PVR: variants seen among roughly 807,000 people sequenced by gnomAD.
The protein encoded by PVR is PVR cell adhesion molecule, also known as poliovirus receptor.
A neutral mutation model predicts 43.3 loss-of-function variants in PVR; 39 were observed. The observed-to-expected ratio is 0.90, with a 90% CI of 0.70 to 1.18. PVR has a LOEUF of 1.18. Among genes scored for constraint, PVR ranks in the 50% most tolerant of loss-of-function variants. The probability of loss-of-function intolerance (pLI) is 0.00; values close to 1 mark genes in which losing one functional copy is unlikely to be tolerated. For synonymous variants in PVR, 224 were observed against 233.2 expected, an observed-to-expected ratio of 0.96 and a Z score of 0.36; for missense variants, 480 against 549.7, an observed-to-expected ratio of 0.87 and a Z score of 1.27.
chr19:44,652,509 G>T (rs1341001211), intron 3 of PVR, among the ~76,000 whole-genome samples: 1 of 151,772 alleles, frequency 6.6e-6, no homozygotes, highest in African/African-American at 2.4e-5. Flanking sequence ...TCAGCCTCCC[G>T]AGTAGCTGGG....
At chr19:44,649,764 G>A (rs772415503) in intron 2 of PVR, 45 bp from the exon 3 acceptor site, 13 of 1,596,222 alleles carry the variant, frequency 8.1e-6, no homozygotes, top group East Asian at 4.5e-5. Flanking sequence ...CTTCTGCCAC[G>A]GAGGGGTTCA....
rs1255385112 is a variant in PVR, at chr19:44,645,415, G to GTGTATATA, written c.79+1241_79+1242insGTATATAT. 3.2e-3 allele frequency among the ~76,000 whole-genome samples: 270 copies of GTGTATATA among 83,812 alleles called. 7 individuals are homozygous for GTGTATATA. The highest frequency in any genetic ancestry group is 0.015 in the African/African-American group (260 of 17,632). 55.0% of individuals were successfully genotyped at this position (83,812 alleles called of 152,430 possible). On this transcript the variant is annotated intron_variant, in intron 1 of 7. Transcript: ENST00000425690. ...TTTATTATTTATTTATATGTTTTGT[G>GTGTATATA]TATATATATATATATATATATATAT...
rs1973650738 is a variant in PVR, at chr19:44,664,063, A to G, written c.*2252A>G. 6.6e-6 allele frequency: 1 copy of G among 152,186 alleles called. No individual in the cohort carries two copies. Among genetic ancestry groups the G allele is most frequent in the African/African-American group, 2.4e-5 (1 of 41,438 alleles). 9.4% of individuals were successfully genotyped at this position (152,186 alleles called of 1,614,324 possible). On this transcript the variant is annotated 3_prime_UTR_variant, in exon 8 of 8. Coordinates refer to ENST00000425690, the MANE Select transcript of PVR (RefSeq NM_006505.5). ...ATATCCAGTTTTACACAACACTGTG[A>G]ATGTAATGAATGCCACTGAATCATA... is the stretch of plus-strand genomic sequence containing the variant.
intron 4 of PVR, among the ~76,000 whole-genome samples, chr19:44,657,443 C>T (rs183916720): frequency 1.2e-3 from 182 of 152,198 alleles, no homozygotes; most frequent in African/African-American, 4.1e-3. Context: ...GGGGAACAGA[C>T]GAGGGGGCGA....
At chr19:44,644,808 C>T (rs567106634) in intron 1 of PVR, among the ~76,000 whole-genome samples, 2 of 149,364 alleles carry the variant, frequency 1.3e-5, no homozygotes, top group Admixed American at 6.7e-5. Context: ...CTCCTCCTCC[C>T]GAGTTCAAGC....
chr19:44,665,656 A>AC lies in PVR; in HGVS notation c.*3845_*3846insC, dbSNP rs1973697592. 1 of 160,322 alleles carries AC rather than the reference A, an allele frequency of 6.2e-6. No individual in the cohort carries two copies. The highest frequency in any genetic ancestry group is 2.4e-5 in the African/African-American group (1 of 41,310). The allele number at this position is 160,322 out of a possible 1,614,324, so 9.9% of individuals were successfully genotyped here. ...TCTCCAAAAAAAAAAAAAAAAAAAA[A>AC]AAAACTGGATTGCCTGGCTCTACTC... On this transcript the variant is annotated 3_prime_UTR_variant, in exon 8 of 8. Transcript: ENST00000425690.
intron 1 of PVR, among the ~76,000 whole-genome samples, chr19:44,646,188 C>T (rs1302762933): frequency 6.6e-6 from 1 of 152,098 alleles, no homozygotes; most frequent in East Asian, 1.9e-4. Context: ...ATTTTACAAA[C>T]TAGGAAAAAG....
intron 1 of PVR, 21 bp downstream of exon 1, chr19:44,644,196 C>G: frequency 1.4e-6 from 2 of 1,472,808 alleles, no homozygotes; most frequent in Non-Finnish European, 1.8e-6. Context: ...CCCGCGCAGT[C>G]CGGTGGCCCC....
chr19:44,651,582 T>C (rs1410024756), intron 3 of PVR, among the ~76,000 whole-genome samples: 3 of 152,000 alleles, frequency 2.0e-5, no homozygotes, highest in African/African-American at 4.8e-5. Context: ...CTCTGCCCAA[T>C]ATTGTCTACA....
At position 44,644,053 on chromosome 19, in the gene PVR, C is replaced by A; in HGVS notation, c.-44C>A. Reference sequence around the variant, plus strand: ...GGCAGAGCGAGCGGGCGCCGGGAAGCGAGGAGACGCCCGCGGGAGGCCCAG... The same window carrying A: ...GGCAGAGCGAGCGGGCGCCGGGAAGAGAGGAGACGCCCGCGGGAGGCCCAG... On this transcript the variant is annotated 5_prime_UTR_variant, in exon 1 of 8. Coordinates refer to ENST00000425690, the MANE Select transcript of PVR (RefSeq NM_006505.5). 3 of 1,480,434 alleles carry A rather than the reference C, an allele frequency of 2.0e-6. No homozygotes were observed. 91.7% of individuals were successfully genotyped at this position (1,480,434 alleles called of 1,614,324 possible).
At chr19:44,659,707 C>G (rs971294911) in intron 6 of PVR, among the ~76,000 whole-genome samples, 1 of 152,122 alleles carries the variant, frequency 6.6e-6, no homozygotes, top group East Asian at 1.9e-4. Context: ...GTCTCAAACC[C>G]CTGGTCTCCT....
chr19:44,657,647 C>T (rs973616691), intron 4 of PVR, 115 bp from the exon 5 acceptor site: 8 of 1,040,530 alleles, frequency 7.7e-6, no homozygotes, highest in Admixed American at 7.1e-5. Context: ...TCCAGAGTTG[C>T]TCTCCGCTTA....
At chr19:44,658,933 C>A (rs1401423723) in intron 6 of PVR, 33 bp downstream of exon 6, 1 of 1,603,220 alleles carries the variant, frequency 6.2e-7, no homozygotes, top group East Asian at 2.2e-5. Context: ...TAATTGAGCA[C>A]CTACTACGGG....
chr19:44,659,349 C>T (rs1653323832), intron 6 of PVR, among the ~76,000 whole-genome samples: 1 of 152,208 alleles, frequency 6.6e-6, no homozygotes, highest in Non-Finnish European at 1.5e-5. Context: ...GAGCACCCTC[C>T]CATGGCTCCT....
At chr19:44,656,324 T>A (rs1973444360) in intron 4 of PVR, among the ~76,000 whole-genome samples, 1 of 152,210 alleles carries the variant, frequency 6.6e-6, no homozygotes, top group Admixed American at 6.5e-5. Context: ...CAGTTGTCCG[T>A]GGAAGGAATT....
chr19:44,651,277 G>A (rs765109122), intron 3 of PVR, among the ~76,000 whole-genome samples: 5 of 152,062 alleles, frequency 3.3e-5, no homozygotes, highest in Non-Finnish European at 4.4e-5. Context: ...CAGCTGTGGG[G>A]TGTTTTCACT....
intron 3 of PVR, among the ~76,000 whole-genome samples, chr19:44,651,705 AC>A (rs1973285045): frequency 2.6e-5 from 4 of 152,014 alleles, no homozygotes; most frequent in Admixed American, 2.6e-4. Flanking sequence ...GCACAGCGTT[AC>A]CTCCACCAGC....
intron 7 of PVR, among the ~76,000 whole-genome samples, 176 bp from the exon 8 acceptor site, chr19:44,661,564 C>G (rs182379780): frequency 7.5e-4 from 114 of 152,258 alleles, no homozygotes; most frequent in Non-Finnish European, 1.3e-3. Context: ...CTCTCTCCCC[C>G]CTGCCCCACG....
rs989086909 is a variant in PVR, at chr19:44,658,747, C to T, written c.997C>T (p.Pro333Ser). The T allele has an allele frequency of 6.9e-6, 11 of 1,605,820 alleles. No individual in the cohort carries two copies. Among genetic ancestry groups the T allele is most frequent in the Non-Finnish European group, 8.5e-6 (10 of 1,173,394 alleles). The change falls in exon 6 of 8, where the codon CCT becomes TCT. Residue 333 changes from proline to serine, a missense_variant. Coordinates refer to ENST00000425690, the MANE Select transcript of PVR (RefSeq NM_006505.5). ...AELTVQVKEG[P>S]PSEHSGMSRN... is the part of the protein sequence containing the mutation. ...CCTGTTTCCTTCTCTTTCAGAGGGA[C>T]CTCCCAGTGAGCACTCAGGCATGTC... is the stretch of plus-strand genomic sequence containing the variant.
Sources: allele counts gnomAD v4.1 joint callset (sites outside exome capture counted in the v4.1 genomes callset), GRCh38; gene constraint gnomAD v4.1.1; transcripts MANE v1.5; gene names NCBI Gene and HGNC (gene_info 2026-07-23, HGNC 2026-07-21).